VAV3: variants seen among roughly 807,000 people sequenced by gnomAD.
The protein encoded by VAV3 is guanine nucleotide exchange factor VAV3.
In VAV3, 94 loss-of-function variants were observed where a neutral mutation model predicts 131.2. That is an observed-to-expected ratio of 0.72 (90% confidence interval 0.61 to 0.85). The LOEUF (loss-of-function observed/expected upper bound fraction) is 0.85, where lower values mean the gene tolerates loss of function less well. Among genes scored for constraint, VAV3 ranks in the 40% least tolerant of loss-of-function variants. VAV3 has a pLI of 0.00. For synonymous variants in VAV3, 349 were observed against 342.0 expected (o/e 1.02, Z -0.22); for missense variants, 939 against 1,002.7 (o/e 0.94, Z 0.86).
intron 3 of VAV3, among the ~76,000 whole-genome samples, chr1:107,779,223 C>T (rs1315634978): frequency 6.7e-6 from 1 of 149,754 alleles, no homozygotes; most frequent in African/African-American, 2.5e-5. Flanking sequence ...GAATTGAGAA[C>T]AATGTTTAGC....
intron 12 of VAV3, 84 bp downstream of exon 12, chr1:107,755,343 A>T: frequency 9.4e-7 from 1 of 1,068,508 alleles, no homozygotes; most frequent in Non-Finnish European, 1.4e-6. Flanking sequence ...ACTTGAAGGT[A>T]AACTATGTTT....
intron 25 of VAV3, among the ~76,000 whole-genome samples, chr1:107,586,824 T>C (rs1408091518): frequency 6.6e-6 from 1 of 152,122 alleles, no homozygotes; most frequent in Non-Finnish European, 1.5e-5. Flanking sequence ...TGGGGTTATC[T>C]TGGTAGGAAG....
At chr1:107,597,085 C>T (rs1012019997) in intron 24 of VAV3, among the ~76,000 whole-genome samples, 1 of 151,982 alleles carries the variant, frequency 6.6e-6, no homozygotes, top group South Asian at 2.1e-4. Context: ...TAATAATTCA[C>T]AATAAAAATG....
chr1:107,629,405 C>CT (rs1038951111), intron 20 of VAV3, among the ~76,000 whole-genome samples: 6 of 152,110 alleles, frequency 3.9e-5, no homozygotes, highest in East Asian at 1.9e-4. Flanking sequence ...GTTACTAAGA[C>CT]TTTTTTATCA....
chr1:107,796,893 A>C (rs1456571880), intron 2 of VAV3, among the ~76,000 whole-genome samples: 4 of 151,674 alleles, frequency 2.6e-5, no homozygotes, highest in African/African-American at 4.8e-5. Flanking sequence ...CATATATCTG[A>C]ATCATTTTGT....
intron 18 of VAV3, 122 bp downstream of exon 18, chr1:107,688,253 CTCTGTT>C (rs1158880052): frequency 1.4e-5 from 17 of 1,176,128 alleles, no homozygotes; most frequent in Non-Finnish European, 2.0e-5. Context: ...TGGTTGTTCC[CTCTGTT>C]TCTGTTTATT....
chr1:107,783,642 C>T (rs1052613090), intron 2 of VAV3, among the ~76,000 whole-genome samples: 1 of 152,172 alleles, frequency 6.6e-6, no homozygotes, highest in Non-Finnish European at 1.5e-5. Context: ...CACTCCTCCA[C>T]GGAGCCTTCT....
At chr1:107,673,156 C>T (rs1165960576) in intron 19 of VAV3, among the ~76,000 whole-genome samples, 1 of 152,014 alleles carries the variant, frequency 6.6e-6, no homozygotes, top group Non-Finnish European at 1.5e-5. Context: ...ATACTAAAAC[C>T]CACTTCCTTT....
intron 2 of VAV3, among the ~76,000 whole-genome samples, chr1:107,823,556 C>G (rs1667889644): frequency 6.6e-6 from 1 of 151,926 alleles, no homozygotes; most frequent in Admixed American, 6.6e-5. Flanking sequence ...TTTTAGAGAT[C>G]AAGCAGTGGA....
intron 19 of VAV3, chr1:107,672,012 AAT>A (rs1657838023): frequency 6.6e-6 from 1 of 152,204 alleles, no homozygotes; most frequent in Non-Finnish European, 1.5e-5. Flanking sequence ...TCACACCTGT[AAT>A]CCCAGCACGC....
chr1:107,634,947 A>G (rs10881474), intron 20 of VAV3, among the ~76,000 whole-genome samples: 134,011 of 150,670 alleles, frequency 0.89, 60,221 homozygotes, highest in East Asian at 0.96. Flanking sequence ...TTAGAATGGC[A>G]ATCATTAAAA....
At position 107,896,624 on chromosome 1, in the gene VAV3, T is replaced by A. The variant is rs151239461; in HGVS notation, c.205-21607A>T. On this transcript the variant is annotated intron_variant, in intron 1 of 26. Transcript: ENST00000370056. ...AATAAATCTAATCGCAACCCAAGCC[T>A]CATGTACTAAGATCAAGATCAGCAG... is the stretch of plus-strand genomic sequence containing the variant. 3.9e-5 allele frequency among the ~76,000 whole-genome samples: 6 copies of A among 152,248 alleles called. No individual in the cohort carries two copies. In the East Asian group the frequency reaches 1.2e-3, roughly 29 times the overall value.
intron 15 of VAV3, among the ~76,000 whole-genome samples, chr1:107,709,421 C>T (rs1052956094): frequency 3.9e-5 from 6 of 152,064 alleles, no homozygotes; most frequent in African/African-American, 1.2e-4. Flanking sequence ...AGATAAGAGA[C>T]ATTTTTATTA....
At position 107,642,662 on chromosome 1, in the gene VAV3, G is replaced by C; in HGVS notation, c.1871C>G (p.Thr624Ser). 6.2e-7 allele frequency: 1 copy of C among 1,613,268 alleles called. No homozygotes were observed. The highest frequency in any genetic ancestry group is 8.5e-7 in the Non-Finnish European group (1 of 1,179,574). Residue 624 changes from threonine (T) to serine (S), a missense_variant, in exon 20 of 27, where the codon ACC (threonine) becomes AGC (serine). Thr to Ser is a moderately conservative substitution (Grantham distance 58). Transcript: ENST00000370056. ...TGCATCTCCTTTCAGAAGTTCAACG[G>C]TATCCCCGGCCTGGAGCTGTAAAGG... ...GPPLQLQAGDTVELLKGDAHS... is the reference protein window; with the variant it reads ...GPPLQLQAGDSVELLKGDAHS...
intron 1 of VAV3, among the ~76,000 whole-genome samples, chr1:107,904,049 T>G (rs1671993059): frequency 6.6e-6 from 1 of 152,152 alleles, no homozygotes. Flanking sequence ...CATTACCTGT[T>G]CTATAACTTT....
chr1:107,612,283 T>C (rs904913164), intron 21 of VAV3, among the ~76,000 whole-genome samples: 6 of 151,974 alleles, frequency 3.9e-5, no homozygotes, highest in Non-Finnish European at 8.8e-5. Flanking sequence ...AAGTGAAGTT[T>C]GTGTTTGTTT....
chr1:107,785,871 T>C (rs768631613), intron 2 of VAV3, among the ~76,000 whole-genome samples: 3 of 152,184 alleles, frequency 2.0e-5, no homozygotes, highest in Non-Finnish European at 2.9e-5. Flanking sequence ...ACTAACAACA[T>C]GTTTCACCTT....
chr1:107,897,710 A>G (rs1018473338), intron 1 of VAV3, among the ~76,000 whole-genome samples: 8 of 152,110 alleles, frequency 5.3e-5, no homozygotes, highest in Non-Finnish European at 1.2e-4. Flanking sequence ...CGCTTATCTG[A>G]GACAGCATGC....
intron 25 of VAV3, among the ~76,000 whole-genome samples, chr1:107,579,974 A>G (rs1570551165): frequency 6.6e-6 from 1 of 152,188 alleles, no homozygotes; most frequent in Non-Finnish European, 1.5e-5. Flanking sequence ...GACCCCTCCC[A>G]GGAGCCTTCC....
Sources: gnomAD v4.1 joint callset for allele counts (sites outside exome capture counted in the v4.1 genomes callset) on GRCh38, gnomAD v4.1.1 for gene constraint, MANE v1.5 for transcripts, NCBI Gene and HGNC (gene_info 2026-07-23, HGNC 2026-07-21) for gene names.